Variants in PDE4D observed in about 807,000 individuals in gnomAD.
PDE4D encodes the protein phosphodiesterase 4D.
PDE4D carries 24 observed loss-of-function variants against 87.4 expected under a neutral mutation model. That is an observed-to-expected ratio of 0.27 (90% CI 0.20 to 0.39). The LOEUF (loss-of-function observed/expected upper bound fraction) is 0.39, where lower values mean the gene tolerates loss of function less well. Among genes scored for constraint, PDE4D ranks in the 10% least tolerant of loss-of-function variants. The pLI is 1.00. For missense variants in PDE4D, 714 were observed against 1,041.0 expected (o/e 0.69, Z 4.32); for synonymous variants, 384 against 383.2 (o/e 1.00, Z -0.02).
intron 5 of PDE4D, among the ~76,000 whole-genome samples, chr5:59,060,695 T>G (rs571359965): frequency 2.0e-5 from 3 of 152,266 alleles, no homozygotes; most frequent in African/African-American, 7.2e-5. Context: ...TAGGCCAGGC[T>G]GAGACTTGGA....
intron 1 of PDE4D, among the ~76,000 whole-genome samples, chr5:59,422,334 C>T (rs969989886): frequency 6.6e-6 from 1 of 152,082 alleles, no homozygotes; most frequent in Non-Finnish European, 1.5e-5. Context: ...ATTTTCCTTC[C>T]TAGAGCAACC....
intron 1 of PDE4D, among the ~76,000 whole-genome samples, chr5:59,452,423 G>A (rs557692812): frequency 2.2e-4 from 34 of 152,268 alleles, no homozygotes; most frequent in African/African-American, 7.9e-4. Context: ...CCAAATAGGG[G>A]ACTGTGAGGC....
intron 3 of PDE4D, among the ~76,000 whole-genome samples, chr5:59,942,564 C>A (rs1029561644): frequency 6.6e-6 from 1 of 151,764 alleles, no homozygotes; most frequent in Non-Finnish European, 1.5e-5. Context: ...CAGATCAAGC[C>A]GAGAGAGAAT....
Position 59,712,859 on chromosome 5 carries a change from G to T in PDE4D, c.455+180309C>A, listed in dbSNP as rs7736418. Among the ~76,000 whole-genome samples the T allele has an allele frequency of 1.7e-3, 261 of 152,154 alleles. 1 individual carries two copies. The highest frequency in any genetic ancestry group is 5.6e-3 in the African/African-American group (234 of 41,520). On this transcript the variant is annotated intron_variant, in intron 1 of 14. Coordinates refer to ENST00000340635, the MANE Select transcript of PDE4D (RefSeq NM_001104631.2). ...GTGGTTATCATATCTCACATTTAAA[G>T]TTACAATTATTATAATGAAATAAAT...
rs1766404093 is a variant in PDE4D at position 60,024,364 on chromosome 5, A to C, written c.43-35647T>G. On this transcript the variant is annotated intron_variant, in intron 2 of 16. Transcript: ENST00000502484. ...CTTAGTTGCATTTCTTGTTGAAGCT[A>C]GTCTGAAAATAGCAATAAGTCTAGA... Among the ~76,000 whole-genome samples the C allele has an allele frequency of 3.3e-5, 5 of 152,206 alleles. No individual in the cohort carries two copies. In the South Asian group the frequency reaches 8.3e-4, roughly 25 times the overall value.
chr5:60,048,657 T>A (rs2152876374), intron 2 of PDE4D, among the ~76,000 whole-genome samples: 1 of 152,170 alleles, frequency 6.6e-6, no homozygotes, highest in East Asian at 1.9e-4. Flanking sequence ...AATTCTGGGT[T>A]GAAAATTCTT....
chr5:59,681,861 A>T (rs1363176105), intron 1 of PDE4D, among the ~76,000 whole-genome samples: 1 of 143,910 alleles, frequency 6.9e-6, no homozygotes, highest in Admixed American at 7.3e-5. Context: ...AGGCGGAGTC[A>T]CTGCACTCCA....
chr5:59,339,965 A>T (rs1237636368), intron 1 of PDE4D, among the ~76,000 whole-genome samples: 2 of 151,718 alleles, frequency 1.3e-5, no homozygotes, highest in Non-Finnish European at 2.9e-5. Flanking sequence ...AAAAAAAGCA[A>T]TTCTCATTGG....
intron 5 of PDE4D, among the ~76,000 whole-genome samples, chr5:59,147,723 G>T (rs1778880295): frequency 6.6e-6 from 1 of 152,160 alleles, no homozygotes; most frequent in Admixed American, 6.5e-5. Context: ...TACTTATAAT[G>T]TAAATGCAAG....
At chr5:59,803,678 A>T (rs555707835) in intron 1 of PDE4D, among the ~76,000 whole-genome samples, 1 of 152,294 alleles carries the variant, frequency 6.6e-6, no homozygotes, top group East Asian at 1.9e-4. Flanking sequence ...TTTGAGAACG[A>T]GTGCTCTAAG....
chr5:59,334,707 G>A (rs1174305882), intron 1 of PDE4D, among the ~76,000 whole-genome samples: 2 of 151,938 alleles, frequency 1.3e-5, no homozygotes, highest in East Asian at 3.9e-4. Flanking sequence ...ACTTAGGTTT[G>A]TAGAGAAAGC....
intron 2 of PDE4D, among the ~76,000 whole-genome samples, chr5:59,196,935 GA>G (rs1745581900): frequency 6.6e-6 from 1 of 152,114 alleles, no homozygotes; most frequent in Admixed American, 6.5e-5. Flanking sequence ...TGGCCAAGCT[GA>G]AGACATTGTA....
chr5:59,844,864 G>A (rs1319910944), intron 1 of PDE4D, among the ~76,000 whole-genome samples: 1 of 152,002 alleles, frequency 6.6e-6, no homozygotes, highest in Non-Finnish European at 1.5e-5. Flanking sequence ...ATTTTGGGTG[G>A]GCCTGACTGA....
chr5:60,087,870 G>A (rs1184401079), intron 2 of PDE4D, among the ~76,000 whole-genome samples: 1 of 151,984 alleles, frequency 6.6e-6, no homozygotes, highest in African/African-American at 2.4e-5. Flanking sequence ...GAAATCTGGA[G>A]AAAACCAACA....
chr5:60,193,527 G>A (rs887329303), intron 1 of PDE4D, among the ~76,000 whole-genome samples: 3 of 151,482 alleles, frequency 2.0e-5, no homozygotes, highest in South Asian at 2.1e-4. Context: ...AAAATTAGCC[G>A]GGCGAGGTGG....
At chr5:59,268,984 A>G (rs556011467) in intron 1 of PDE4D, among the ~76,000 whole-genome samples, 1 of 152,206 alleles carries the variant, frequency 6.6e-6, no homozygotes, top group African/African-American at 2.4e-5. Flanking sequence ...AATAGAATTC[A>G]CTACATGATT....
At chr5:60,036,207 A>G (rs1767782412) in intron 2 of PDE4D, among the ~76,000 whole-genome samples, 1 of 152,236 alleles carries the variant, frequency 6.6e-6, no homozygotes, top group Non-Finnish European at 1.5e-5. Context: ...ACTAAGGAAA[A>G]TCAGCTACAA....
chr5:59,970,140 A>G (rs552117109), intron 3 of PDE4D, among the ~76,000 whole-genome samples: 1 of 152,006 alleles, frequency 6.6e-6, no homozygotes, highest in Non-Finnish European at 1.5e-5. Context: ...AGACAAAGAT[A>G]TGTTCCAGTA....
chr5:59,083,558 T>C (rs932846906), intron 5 of PDE4D, among the ~76,000 whole-genome samples: 1 of 152,108 alleles, frequency 6.6e-6, no homozygotes, highest in Non-Finnish European at 1.5e-5. Flanking sequence ...GAATATTACT[T>C]GAATTGCATT....
Sources: gnomAD v4.1 joint callset for allele counts (sites outside exome capture counted in the v4.1 genomes callset) on GRCh38, gnomAD v4.1.1 for gene constraint, MANE v1.5 for transcripts, NCBI Gene and HGNC (gene_info 2026-07-23, HGNC 2026-07-21) for gene names.